Variants in AHR observed in about 807,000 individuals in gnomAD.
AHR encodes the protein AH-receptor.
A neutral mutation model predicts 86.8 loss-of-function variants in AHR; 40 were observed. That is an observed-to-expected ratio of 0.46 (90% CI 0.36 to 0.60). AHR has a LOEUF of 0.60. AHR is among the 20% of genes least tolerant of loss of function. The pLI, the probability that AHR is intolerant of heterozygous loss-of-function variation, is 0.00. For missense variants in AHR, 1,001 were observed against 1,011.6 expected (o/e 0.99, Z 0.14); for synonymous variants, 398 against 354.9 (o/e 1.12, Z -1.37).
At position 17,343,984 on chromosome 7, in the gene AHR, A is replaced by G. The variant is rs1007888011; in HGVS notation, c.*920A>G. On this transcript the variant is annotated 3_prime_UTR_variant, in exon 11 of 11. Transcript: ENST00000242057. ...CAGTGTTTTCAGAAGAAATAAATAT[A>G]CCACTCTTTACCTTTATTGATATCT... 1.3e-5 allele frequency: 2 copies of G among 152,668 alleles called. No homozygotes were observed. The highest frequency in any genetic ancestry group is 4.8e-5 in the African/African-American group (2 of 41,440). The allele number at this position is 152,668 out of a possible 1,614,324, so 9.5% of individuals were successfully genotyped here. A position where few individuals can be genotyped will look rare whatever the true frequency, so the allele number is the denominator to read the frequency against.
rs943825442 is a variant in AHR, at chr7:17,343,841, C to T, written c.*777C>T. 6.6e-6 allele frequency: 1 copy of T among 152,280 alleles called. No homozygotes were observed. The highest frequency in any genetic ancestry group is 1.5e-5 in the Non-Finnish European group (1 of 67,920). The allele number at this position is 152,280 out of a possible 1,614,324, so 9.4% of individuals were successfully genotyped here. On this transcript the variant is annotated 3_prime_UTR_variant, in exon 11 of 11. Transcript: ENST00000242057. ...TATTTATTACATAATTTAGTTGTTT[C>T]TAGACTATAAATGTTGCTATGTGCC...
intron 6 of AHR, among the ~76,000 whole-genome samples, chr7:17,331,194 C>T (rs911774895): frequency 3.3e-5 from 5 of 151,864 alleles, no homozygotes; most frequent in African/African-American, 1.2e-4. Flanking sequence ...AAGTTTAATT[C>T]TACTGTTAGG....
intron 5 of AHR, among the ~76,000 whole-genome samples, chr7:17,330,295 A>G (rs1782273639): frequency 6.6e-6 from 1 of 151,894 alleles, no homozygotes; most frequent in Non-Finnish European, 1.5e-5. Flanking sequence ...GCAACAGAGT[A>G]TTGCCATAGT....
intron 2 of AHR, among the ~76,000 whole-genome samples, chr7:17,317,968 A>G (rs945935108): frequency 1.3e-5 from 2 of 151,920 alleles, no homozygotes; most frequent in African/African-American, 4.9e-5. Flanking sequence ...CCAATGAGTA[A>G]CTGGAAGAAT....
chr7:17,331,199 G>A (rs1407254438), intron 6 of AHR, among the ~76,000 whole-genome samples: 1 of 151,852 alleles, frequency 6.6e-6, no homozygotes, highest in Non-Finnish European at 1.5e-5. Context: ...TAATTCTACT[G>A]TTAGGCTTTC....
chr7:17,317,893 CTT>C (rs1469401993), intron 2 of AHR, among the ~76,000 whole-genome samples: 1 of 152,096 alleles, frequency 6.6e-6, no homozygotes, highest in African/African-American at 2.4e-5. Flanking sequence ...ATTAACTGCT[CTT>C]GTTCCATTAA....
At chr7:17,338,956 T>C (rs761144875) in intron 9 of AHR, 30 bp from the exon 10 acceptor site, 2 of 1,520,542 alleles carry the variant, frequency 1.3e-6, no homozygotes, top group African/African-American at 1.4e-5. Flanking sequence ...ATAGAATTTT[T>C]TTCTAAGACT....
intron 6 of AHR, among the ~76,000 whole-genome samples, chr7:17,331,945 T>C (rs551879441): frequency 6.6e-6 from 1 of 152,150 alleles, no homozygotes; most frequent in South Asian, 2.1e-4. Flanking sequence ...AGGATTTTGC[T>C]GACCCAGAAT....
Position 17,339,302 on chromosome 7 carries a change from T to C in AHR, c.1477T>C (p.Cys493Arg). 1 of 1,614,186 alleles carries C rather than the reference T, an allele frequency of 6.2e-7. No homozygotes were observed. Among genetic ancestry groups the C allele is most frequent in the African/African-American group, 1.3e-5 (1 of 75,056 alleles). Residue 493 changes from cysteine to arginine, a missense_variant, in exon 10 of 11, where the codon TGC becomes CGC. Transcript: ENST00000242057. ...CTTTTTCAACGAATCTATGAATGAA[T>C]GCAGAAATTGGCAAGATAATACTGC... is the stretch of plus-strand genomic sequence containing the variant. ...NNFFNESMNE[C>R]RNWQDNTAPM...
chr7:17,341,031 A>G (rs895763727), intron 10 of AHR, among the ~76,000 whole-genome samples: 1 of 152,166 alleles, frequency 6.6e-6, no homozygotes, highest in African/African-American at 2.4e-5. Context: ...CCACTCAGGA[A>G]TACATCATGT....
At chr7:17,333,821 C>A in intron 6 of AHR, 91 bp from the exon 7 acceptor site, 1 of 971,512 alleles carries the variant, frequency 1.0e-6, no homozygotes, top group Non-Finnish European at 1.6e-6. Context: ...TATCAAGAAC[C>A]CTAGAGGCAG....
At position 17,343,307 on chromosome 7, in the gene AHR, C is replaced by T. The variant is rs1012258920; in HGVS notation, c.*243C>T. The T allele has an allele frequency of 8.4e-5, 41 of 489,608 alleles. No individual in the cohort carries two copies. In the East Asian group the frequency reaches 1.0e-3, roughly 12 times the overall value. 30.3% of individuals were successfully genotyped at this position (489,608 alleles called of 1,614,324 possible). ...GTGCTGCCACGGAGTGGTGAGGTAC[C>T]GTCTACATTTCACATTATTCTGGGC... On this transcript the variant is annotated 3_prime_UTR_variant, in exon 11 of 11. Coordinates refer to ENST00000242057, the MANE Select transcript of AHR (RefSeq NM_001621.5).
Position 17,299,131 on chromosome 7 carries a change from G to A in AHR, c.-134G>A. ...GGCGCGGCGCCCACGCCACTGTCCC[G>A]AGAGGACGCAGGTGGAGCGGGCGCG... On this transcript the variant is annotated 5_prime_UTR_variant, in exon 1 of 11. Coordinates refer to ENST00000242057, the MANE Select transcript of AHR (RefSeq NM_001621.5). The A allele has an allele frequency of 2.1e-6, 2 of 972,756 alleles. No homozygotes were observed. The highest frequency in any genetic ancestry group is 3.6e-5 in the South Asian group (2 of 55,416). The allele number at this position is 972,756 out of a possible 1,614,324, so 60.3% of individuals were successfully genotyped here.
intron 2 of AHR, among the ~76,000 whole-genome samples, chr7:17,315,731 G>A (rs1341775311): frequency 2.6e-5 from 4 of 151,684 alleles, no homozygotes; most frequent in African/African-American, 9.7e-5. Context: ...TCATGTTATA[G>A]TGTTTTATAA....
intron 8 of AHR, among the ~76,000 whole-genome samples, chr7:17,335,268 T>C (rs1782342926): frequency 6.6e-6 from 1 of 152,096 alleles, no homozygotes. Flanking sequence ...TCGTTATCAA[T>C]TCATAAATCT....
At chr7:17,322,262 G>A (rs982541280) in intron 2 of AHR, among the ~76,000 whole-genome samples, 3 of 151,950 alleles carry the variant, frequency 2.0e-5, no homozygotes, top group Non-Finnish European at 4.4e-5. Flanking sequence ...TTAACAATCT[G>A]TCAGCTGACA....
intron 3 of AHR, among the ~76,000 whole-genome samples, chr7:17,326,446 C>G (rs1473737116): frequency 1.3e-5 from 2 of 152,174 alleles, no homozygotes; most frequent in Non-Finnish European, 2.9e-5. Context: ...ACTTAGCATA[C>G]ATATCTCCTC....
At chr7:17,309,650 G>T (rs1234364132) in intron 1 of AHR, among the ~76,000 whole-genome samples, 1 of 152,144 alleles carries the variant, frequency 6.6e-6, no homozygotes, top group African/African-American at 2.4e-5. Context: ...AATCCCAGTA[G>T]ATCTGTTAAT....
chr7:17,333,880 A>G (rs1339135351), intron 6 of AHR, 32 bp from the exon 7 acceptor site: 8 of 1,574,202 alleles, frequency 5.1e-6, no homozygotes, highest in Non-Finnish European at 7.0e-6. Context: ...GTTAATTTTA[A>G]TGAACTTTTT....
Sources: allele counts gnomAD v4.1 joint callset (sites outside exome capture counted in the v4.1 genomes callset), GRCh38; gene constraint gnomAD v4.1.1; transcripts MANE v1.5; gene names NCBI Gene and HGNC (gene_info 2026-07-23, HGNC 2026-07-21).